Variants in NR4A1 observed in about 807,000 individuals in gnomAD.
NR4A1 encodes nuclear receptor subfamily 4immunitygroup A member 1.
In NR4A1, 24 loss-of-function variants were observed where a neutral mutation model predicts 47.5. The ratio of observed to expected loss-of-function variants is 0.50; its 90% CI spans 0.37 to 0.71. The LOEUF is 0.71. Among genes scored for constraint, NR4A1 ranks in the 30% least tolerant of loss-of-function variants. The probability of loss-of-function intolerance (pLI) is 0.00; values close to 1 mark genes in which losing one functional copy is unlikely to be tolerated. For missense variants in NR4A1, 669 were observed against 788.6 expected (o/e 0.85, Z 1.82); for synonymous variants, 353 against 345.7 (o/e 1.02, Z -0.24).
At chr12:52,035,325 A>C (rs1938212861) in intron 1 of NR4A1, among the ~76,000 whole-genome samples, 1 of 152,278 alleles carries the variant, frequency 6.6e-6, no homozygotes, top group Admixed American at 6.5e-5. Context: ...TTATGCTAAA[A>C]GTATTTATGG....
At chr12:52,043,834 C>T (rs1346651450) in intron 2 of NR4A1, 1 of 1,288,918 alleles carries the variant, frequency 7.8e-7, no homozygotes, top group South Asian at 1.2e-5. Context: ...GAGCCCCCAA[C>T]CAATCTTGGG....
chr12:52,047,331 A>AC (rs1483236269), upstream of NR4A1, among the ~76,000 whole-genome samples: 2 of 151,688 alleles, frequency 1.3e-5, no homozygotes, highest in Non-Finnish European at 2.9e-5. Context: ...CACTAGCTGG[A>AC]CCCCACTCTC....
Position 52,057,204 on chromosome 12 carries a change from G to T in NR4A1, c.1306G>T (p.Asp436Tyr), listed in dbSNP as rs1255496145. Residue 436 changes from aspartate (D) to tyrosine (Y), a missense_variant, in exon 5 of 7, where the codon GAC becomes TAC. Asp to Tyr is a radical substitution (Grantham distance 160). Coordinates refer to ENST00000394825, the MANE Select transcript of NR4A1 (RefSeq NM_173157.3). ...TGCTGAGCTGTCACCGGCTGACCAG[G>T]ACCTGTTGCTGGAGTCGGCCTTCCT... is the stretch of plus-strand genomic sequence containing the variant. ...GFAELSPADQ[D>Y]LLLESAFLEL... 3 of 1,614,056 alleles carry T rather than the reference G, an allele frequency of 1.9e-6. No individual in the cohort carries two copies. Among genetic ancestry groups the T allele is most frequent in the Non-Finnish European group, 2.5e-6 (3 of 1,179,944 alleles).
intron 1 of NR4A1, among the ~76,000 whole-genome samples, chr12:52,052,304 T>TGAGA (rs1555168682): frequency 2.3e-4 from 16 of 70,652 alleles, no homozygotes; most frequent in African/African-American, 5.5e-4. Context: ...TGTGTGTGTG[T>TGAGA]GAGAGAGAGA....
chr12:52,052,304 T>TGTGTGTGTGAGA (rs398019589), intron 1 of NR4A1, among the ~76,000 whole-genome samples: 3 of 70,592 alleles, frequency 4.2e-5, no homozygotes, highest in African/African-American at 1.4e-4. Context: ...TGTGTGTGTG[T>TGTGTGTGTGAGA]GAGAGAGAGA....
At chr12:52,046,991 G>A (rs775274389), upstream of NR4A1, among the ~76,000 whole-genome samples, 16 of 152,092 alleles carry the variant, frequency 1.1e-4, no homozygotes, top group Non-Finnish European at 1.8e-4. Flanking sequence ...GGGGAACTGC[G>A]GTGATGAGGG....
chr12:52,039,994 G>C (rs1056731677), intron 1 of NR4A1, among the ~76,000 whole-genome samples: 21 of 152,186 alleles, frequency 1.4e-4, no homozygotes, highest in African/African-American at 4.6e-4. Context: ...CTGAAGTCTG[G>C]CCTGATGGTC....
chr12:52,052,357 C>T (rs1472458478), intron 1 of NR4A1: 2 of 289,518 alleles, frequency 6.9e-6, no homozygotes, highest in African/African-American at 2.3e-5. Context: ...AACCCTTGTC[C>T]TTGGGGATCC....
chr12:52,049,179 T>C (rs1302206375), upstream of NR4A1, among the ~76,000 whole-genome samples: 37 of 152,208 alleles, frequency 2.4e-4, no homozygotes. Context: ...GTACTGCGAA[T>C]ACTCAAGTCC....
At chr12:52,056,288 C>T (rs1224465202) in intron 3 of NR4A1, 129 bp downstream of exon 3, 7 of 1,428,434 alleles carry the variant, frequency 4.9e-6, no homozygotes, top group Non-Finnish European at 6.6e-6. Context: ...CACCTCTGAA[C>T]CCCAGGCCTT....
chr12:52,029,296 T>G (rs2120917153), intron 1 of NR4A1, among the ~76,000 whole-genome samples: 1 of 152,346 alleles, frequency 6.6e-6, no homozygotes, highest in Middle Eastern at 3.4e-3. Context: ...ACCCTGCCTG[T>G]GCCCAGACCC....
chr12:52,055,104 C>T lies in NR4A1; in HGVS notation c.776C>T (p.Ala259Val). The T allele has an allele frequency of 6.2e-7, 1 of 1,614,176 alleles. No homozygotes were observed. Among genetic ancestry groups the T allele is most frequent in the Non-Finnish European group, 8.5e-7 (1 of 1,180,048 alleles). ...ACCTCAACCAAGGCCCGGAGCGGGG[C>T]CCCAGGTGGAAGTGAAGGCCGCTGT... ...PVTSTKARSGAPGGSEGRCAV... is the reference protein window; with the variant it reads ...PVTSTKARSGVPGGSEGRCAV... Residue 259 changes from alanine to valine, a missense_variant, in exon 2 of 7, where the codon GCC (alanine) becomes GTC (valine). By Grantham distance (64) the Ala-to-Val change is moderately conservative. Coordinates refer to ENST00000394825, the MANE Select transcript of NR4A1 (RefSeq NM_173157.3).
chr12:52,037,673 C>T (rs1168090210), intron 1 of NR4A1: 22 of 985,278 alleles, frequency 2.2e-5, no homozygotes, highest in Non-Finnish European at 2.7e-5. Flanking sequence ...GTTTGGCCCA[C>T]GAGGGGCGCT....
intron 1 of NR4A1, among the ~76,000 whole-genome samples, chr12:52,041,357 T>A (rs1265861715): frequency 1.3e-5 from 2 of 152,088 alleles, no homozygotes; most frequent in Non-Finnish European, 2.9e-5. Flanking sequence ...CACTCTACTC[T>A]AAGTTGAGTG....
At position 52,031,778 on chromosome 12, in the gene NR4A1, A is replaced by ATTTT. The variant is rs61279135; in HGVS notation, c.-84+8855_-84+8858dup. Among the ~76,000 whole-genome samples the ATTTT allele has an allele frequency of 9.1e-3, 1,149 of 125,840 alleles. 24 individuals carry two copies. Among genetic ancestry groups the ATTTT allele is most frequent in the Non-Finnish European group, 0.012 (748 of 61,076 alleles). 82.6% of individuals were successfully genotyped at this position (125,840 alleles called of 152,430 possible). A position where few individuals can be genotyped will look rare whatever the true frequency, so the allele number is the denominator to read the frequency against. On this transcript the variant is annotated intron_variant, in intron 1 of 7. Transcript: ENST00000360284. ...TTTCTCTTTATGGTTGTGATGGTTA[A>ATTTT]TTTTTTTTTTTTTTTTTTTGAGACG...
intron 1 of NR4A1, among the ~76,000 whole-genome samples, chr12:52,041,083 G>A (rs191025292): frequency 6.6e-6 from 1 of 152,178 alleles, no homozygotes; most frequent in Non-Finnish European, 1.5e-5. Flanking sequence ...GGAACCAGGG[G>A]TTGGGGCTAG....
chr12:52,046,134 C>G (rs1282810883), intron 2 of NR4A1, among the ~76,000 whole-genome samples: 1 of 152,188 alleles, frequency 6.6e-6, no homozygotes, highest in Non-Finnish European at 1.5e-5. Flanking sequence ...GACCTCTACT[C>G]AGTAGGGGTG....
chr12:52,026,530 G>A (rs1938003420), intron 1 of NR4A1, among the ~76,000 whole-genome samples: 1 of 152,082 alleles, frequency 6.6e-6, no homozygotes, highest in South Asian at 2.1e-4. Context: ...ACAACTCAGG[G>A]AGGTAGGTCA....
At chr12:52,028,612 A>T (rs1938051530) in intron 1 of NR4A1, among the ~76,000 whole-genome samples, 1 of 151,844 alleles carries the variant, frequency 6.6e-6, no homozygotes, top group African/African-American at 2.4e-5. Flanking sequence ...TGCTTAAAAG[A>T]CAAAAAGACC....
Sources: allele counts gnomAD v4.1 joint callset (sites outside exome capture counted in the v4.1 genomes callset), GRCh38; gene constraint gnomAD v4.1.1; transcripts MANE v1.5; gene names NCBI Gene and HGNC (gene_info 2026-07-23, HGNC 2026-07-21).